The following RASA3 variants were observed in gnomAD, a reference collection of about 807,000 sequenced individuals.
RASA3 encodes the protein RAS p21 protein activator 3, also known as ras GTPase-activating protein 3.
Under a neutral mutation model 110.0 loss-of-function variants are expected in RASA3, and 73 were observed. The ratio of observed to expected loss-of-function variants is 0.66; its 90% CI spans 0.55 to 0.81. The LOEUF (loss-of-function observed/expected upper bound fraction) is 0.81. RASA3 is among the 30% of genes least tolerant of loss of function. The pLI, the probability that RASA3 is intolerant of heterozygous loss-of-function variation, is 0.00. For missense variants in RASA3, 976 were observed against 1,113.2 expected (o/e 0.88, Z 1.75); for synonymous variants, 500 against 451.4 (o/e 1.11, Z -1.37).
intron 1 of RASA3, among the ~76,000 whole-genome samples, chr13:114,092,656 C>A (rs969184332): frequency 6.6e-6 from 1 of 152,146 alleles, no homozygotes; most frequent in African/African-American, 2.4e-5. Context: ...ATGAAATATT[C>A]TGTTAATGTT....
chr13:114,068,632 C>T (rs1388051507), intron 2 of RASA3, among the ~76,000 whole-genome samples: 5 of 152,052 alleles, frequency 3.3e-5, no homozygotes, highest in Non-Finnish European at 5.9e-5. Context: ...AGGTCCAGGG[C>T]GGGAAGCTGG....
At chr13:113,982,251 T>C (rs1036467566) in intron 22 of RASA3, among the ~76,000 whole-genome samples, 3 of 152,184 alleles carry the variant, frequency 2.0e-5, no homozygotes, top group Non-Finnish European at 1.5e-5. Flanking sequence ...CTGGGCTGGC[T>C]CATGGGCCCT....
intron 4 of RASA3, among the ~76,000 whole-genome samples, chr13:114,039,318 T>C (rs939752206): frequency 3.1e-4 from 42 of 137,372 alleles, no homozygotes; most frequent in Middle Eastern, 3.7e-3. Context: ...GAAGCCCTCC[T>C]GTGTCCCAGG....
intron 15 of RASA3, 48 bp downstream of exon 15, chr13:114,013,094 C>T (rs200037411): frequency 1.6e-4 from 247 of 1,525,292 alleles, no homozygotes; most frequent in Non-Finnish European, 2.0e-4. Flanking sequence ...CCCAGGCCGG[C>T]GTCGCAGGAC....
In RASA3 at chr13:114,011,446, C is replaced by T. The variant is rs1381780083; in HGVS notation, c.1513-198G>A. Among the ~76,000 whole-genome samples the T allele has an allele frequency of 6.6e-6, 1 of 152,124 alleles. No homozygotes were observed. Among genetic ancestry groups the T allele is most frequent in the Non-Finnish European group, 1.5e-5 (1 of 68,012 alleles). ...CAGTCTCAGGAGCTGCTGAGACCAT[C>T]CCGCAGGCAACATCCGACGGCACCG... On this transcript the variant is annotated intron_variant, in intron 15 of 23. Transcript: ENST00000334062. This position sits in a 1 kb window ranked among gnomAD's most constrained non-coding sequence, Gnocchi z 4.8.
chr13:114,075,233 C>T (rs910554677), intron 1 of RASA3, among the ~76,000 whole-genome samples: 3 of 152,196 alleles, frequency 2.0e-5, no homozygotes, highest in African/African-American at 7.2e-5. Context: ...CGCCACTCCG[C>T]GCTGAATGTT....
chr13:114,007,693 C>T, intron 17 of RASA3, 87 bp from the exon 18 acceptor site: 2 of 1,130,396 alleles, frequency 1.8e-6, no homozygotes, highest in Non-Finnish European at 2.7e-6. Flanking sequence ...TCGGCGGCTA[C>T]TGCCTCCTTT....
At chr13:114,117,091 A>G (rs1176167041) in intron 1 of RASA3, among the ~76,000 whole-genome samples, 183 of 44,440 alleles carry the variant, frequency 4.1e-3, no homozygotes, top group Admixed American at 5.5e-3. Context: ...TGTGTGAGGG[A>G]TGCATGTGTG....
At chr13:113,995,306 C>T (rs1179701291) in intron 21 of RASA3, among the ~76,000 whole-genome samples, 3 of 152,244 alleles carry the variant, frequency 2.0e-5, no homozygotes, top group Admixed American at 6.5e-5. Flanking sequence ...GATTCTGGGG[C>T]GGTGGCCACG....
At chr13:114,117,340 TGA>T (rs1253477847) in intron 1 of RASA3, among the ~76,000 whole-genome samples, 3 of 119,262 alleles carry the variant, frequency 2.5e-5, no homozygotes, top group Non-Finnish European at 5.2e-5. Context: ...TGCATGTGTG[TGA>T]GGAGAGCACG....
chr13:114,032,183 A>G (rs911902914), intron 4 of RASA3, among the ~76,000 whole-genome samples: 3 of 152,148 alleles, frequency 2.0e-5, no homozygotes, highest in African/African-American at 4.8e-5. Flanking sequence ...ATCTACCAAC[A>G]CAGACCACAA....
intron 2 of RASA3, among the ~76,000 whole-genome samples, chr13:114,053,370 T>G (rs1002252775): frequency 6.6e-6 from 1 of 152,172 alleles, no homozygotes; most frequent in African/African-American, 2.4e-5. Flanking sequence ...CTGGCACAGG[T>G]GGGGTTAGTT....
chr13:114,113,568 G>A (rs2080243971), intron 1 of RASA3, among the ~76,000 whole-genome samples: 2 of 151,504 alleles, frequency 1.3e-5, no homozygotes, highest in East Asian at 1.9e-4. Flanking sequence ...CACCCACCAC[G>A]GCGAGTGATG....
intron 1 of RASA3, among the ~76,000 whole-genome samples, chr13:114,122,144 G>A (rs777347223): frequency 2.8e-4 from 43 of 152,344 alleles, no homozygotes; most frequent in Middle Eastern, 6.8e-3. Context: ...CGGCCACGGC[G>A]GCAGAGCTTC....
intron 2 of RASA3, among the ~76,000 whole-genome samples, chr13:114,054,481 G>A (rs2079204272): frequency 6.6e-6 from 1 of 152,184 alleles, no homozygotes; most frequent in Non-Finnish European, 1.5e-5. Flanking sequence ...GGGGCCCAGA[G>A]TCCAGGTGGG....
chr13:114,004,052 G>A (rs976436376), intron 18 of RASA3, among the ~76,000 whole-genome samples: 2 of 152,320 alleles, frequency 1.3e-5, no homozygotes, highest in African/African-American at 4.8e-5. Flanking sequence ...CATGAAATGT[G>A]TGTATTGCAA....
chr13:114,113,646 C>A, intron 1 of RASA3, among the ~76,000 whole-genome samples: 1 of 135,686 alleles, frequency 7.4e-6, no homozygotes, highest in African/African-American at 2.8e-5. Context: ...CAGCTCACAC[C>A]GCGTCCATCA....
At chr13:114,098,750 A>G (rs913793137) in intron 1 of RASA3, among the ~76,000 whole-genome samples, 2 of 152,116 alleles carry the variant, frequency 1.3e-5, no homozygotes, top group African/African-American at 4.8e-5. Flanking sequence ...GGAGAGAGGC[A>G]GTGGAAGGCA....
intron 1 of RASA3, among the ~76,000 whole-genome samples, chr13:114,117,723 C>A (rs1191083898): frequency 8.3e-6 from 1 of 120,644 alleles, no homozygotes; most frequent in East Asian, 2.6e-4. Flanking sequence ...GTGAGGGATG[C>A]ATGTGTGTGA....
Sources: allele counts gnomAD v4.1 joint callset (sites outside exome capture counted in the v4.1 genomes callset), GRCh38; gene constraint gnomAD v4.1.1; non-coding constraint Gnocchi (gnomAD v3.1); transcripts MANE v1.5; gene names NCBI Gene and HGNC (gene_info 2026-07-23, HGNC 2026-07-21).